Variants in VAV3 observed in about 807,000 individuals in gnomAD.
VAV3 encodes vav guanine nucleotide exchange factor 3.
VAV3 carries 94 observed loss-of-function variants against 131.2 expected under a neutral mutation model. The ratio of observed to expected loss-of-function variants is 0.72; its 90% CI spans 0.61 to 0.85. The LOEUF (loss-of-function observed/expected upper bound fraction) is 0.85. VAV3 is among the 40% of genes least tolerant of loss of function. VAV3 has a pLI of 0.00. For synonymous variants in VAV3, 349 were observed against 342.0 expected, an observed-to-expected ratio of 1.02 and a Z score of -0.22; for missense variants, 939 against 1,002.7, an observed-to-expected ratio of 0.94 and a Z score of 0.86.
intron 4 of VAV3, among the ~76,000 whole-genome samples, chr1:107,776,664 T>C (rs1203822527): frequency 2.0e-5 from 3 of 152,202 alleles, no homozygotes; most frequent in Non-Finnish European, 4.4e-5. Context: ...ACATGCCTGA[T>C]CCATGTCATC....
chr1:107,690,307 C>A (rs1659336514), intron 17 of VAV3, among the ~76,000 whole-genome samples: 1 of 152,000 alleles, frequency 6.6e-6, no homozygotes, highest in African/African-American at 2.4e-5. Flanking sequence ...TCTGGGTGAC[C>A]CCCAGGAAGA....
intron 21 of VAV3, among the ~76,000 whole-genome samples, chr1:107,612,989 A>G (rs1652868716): frequency 6.6e-6 from 1 of 152,136 alleles, no homozygotes; most frequent in Non-Finnish European, 1.5e-5. Context: ...TCTCCTGGGC[A>G]GTGCCTTCAG....
At chr1:107,653,623 A>C (rs1570691326) in intron 19 of VAV3, among the ~76,000 whole-genome samples, 1 of 152,082 alleles carries the variant, frequency 6.6e-6, no homozygotes, top group Admixed American at 6.6e-5. Flanking sequence ...GTCAGATAGA[A>C]CCATTTAGTT....
intron 2 of VAV3, among the ~76,000 whole-genome samples, chr1:107,836,325 T>C (rs1285999135): frequency 6.6e-6 from 1 of 152,186 alleles, no homozygotes; most frequent in Non-Finnish European, 1.5e-5. Context: ...TCCTGAATGA[T>C]TTTAAGGTAA....
chr1:107,695,309 G>T (rs2504462), intron 17 of VAV3, among the ~76,000 whole-genome samples: 1 of 152,144 alleles, frequency 6.6e-6, no homozygotes, highest in African/African-American at 2.4e-5. Flanking sequence ...TATAAATTAT[G>T]TAAGAATAAG....
At chr1:107,836,894 C>T (rs1668503283) in intron 2 of VAV3, among the ~76,000 whole-genome samples, 1 of 151,938 alleles carries the variant, frequency 6.6e-6, no homozygotes, top group African/African-American at 2.4e-5. Context: ...ATCAGTAACA[C>T]ATTCTGAAAT....
chr1:107,832,550 T>C (rs988504470), intron 2 of VAV3, among the ~76,000 whole-genome samples: 1 of 152,222 alleles, frequency 6.6e-6, no homozygotes, highest in African/African-American at 2.4e-5. Flanking sequence ...TATCTGAGTC[T>C]TTTATAAAAT....
intron 25 of VAV3, among the ~76,000 whole-genome samples, chr1:107,583,386 A>G (rs1045593044): frequency 2.0e-5 from 3 of 152,150 alleles, no homozygotes; most frequent in African/African-American, 7.2e-5. Flanking sequence ...CCTATTCAAC[A>G]TAGTGTTGGA....
chr1:107,628,223 C>T (rs971026159), intron 20 of VAV3, among the ~76,000 whole-genome samples: 8 of 152,138 alleles, frequency 5.3e-5, no homozygotes, highest in African/African-American at 9.7e-5. Flanking sequence ...AAAGATCCCC[C>T]TAATCAGCCC....
chr1:107,765,033 G>A, intron 9 of VAV3, 43 bp downstream of exon 9: 2 of 1,373,042 alleles, frequency 1.5e-6, no homozygotes, highest in African/African-American at 1.4e-5. Context: ...ATTGCTTTTA[G>A]GTTTATTTTG....
At chr1:107,652,828 T>C (rs924606339) in intron 19 of VAV3, among the ~76,000 whole-genome samples, 1 of 152,054 alleles carries the variant, frequency 6.6e-6, no homozygotes, top group Non-Finnish European at 1.5e-5. Flanking sequence ...GTAACTGACA[T>C]TTTCCAAAAA....
intron 18 of VAV3, among the ~76,000 whole-genome samples, chr1:107,687,859 C>T (rs1659142980): frequency 6.6e-6 from 1 of 151,862 alleles, no homozygotes; most frequent in African/African-American, 2.4e-5. Context: ...ACTTCTAAGC[C>T]ATTAGGAGAC....
At chr1:107,634,417 A>G (rs1355083189) in intron 20 of VAV3, among the ~76,000 whole-genome samples, 1 of 152,170 alleles carries the variant, frequency 6.6e-6, no homozygotes, top group African/African-American at 2.4e-5. Context: ...CTGGCTAGCC[A>G]TATGTAGAAA....
intron 15 of VAV3, among the ~76,000 whole-genome samples, chr1:107,740,178 T>G (rs1023045112): frequency 6.6e-6 from 1 of 151,930 alleles, no homozygotes; most frequent in Non-Finnish European, 1.5e-5. Flanking sequence ...TCACAGCTAC[T>G]CAGGAGGCTG....
chr1:107,855,867 C>T (rs985460219), intron 2 of VAV3, among the ~76,000 whole-genome samples: 1 of 152,168 alleles, frequency 6.6e-6, no homozygotes, highest in Non-Finnish European at 1.5e-5. Context: ...CCTGCTGAGT[C>T]CAGAGAAAGG....
rs1248261610 is a variant in VAV3 at position 107,602,489 on chromosome 1, G to A, written c.2133-5C>T. ...TGCTTTGCTTCATTATTGTACCTGT[G>A]GGCAATGAATAACTTATGAATATAA... is the stretch of plus-strand genomic sequence containing the variant. On this transcript the variant is annotated splice_region_variant and splice_polypyrimidine_tract_variant and intron_variant, in intron 23 of 26. Transcript: ENST00000370056. 1 of 1,559,398 alleles carries A rather than the reference G, an allele frequency of 6.4e-7. No homozygotes were observed. The highest frequency in any genetic ancestry group is 8.6e-7 in the Non-Finnish European group (1 of 1,161,442).
chr1:107,728,153 T>C (rs1661967497), intron 15 of VAV3, among the ~76,000 whole-genome samples: 1 of 152,034 alleles, frequency 6.6e-6, no homozygotes. Context: ...GTTGGTTGAG[T>C]CTTCCTCCTC....
intron 17 of VAV3, among the ~76,000 whole-genome samples, chr1:107,704,113 G>A (rs1660301392): frequency 6.6e-6 from 1 of 152,108 alleles, no homozygotes; most frequent in Admixed American, 6.5e-5. Flanking sequence ...TCTGTGTGAT[G>A]TTTACTTCTG....
At chr1:107,869,018 C>G (rs933411581) in intron 2 of VAV3, among the ~76,000 whole-genome samples, 1 of 152,056 alleles carries the variant, frequency 6.6e-6, no homozygotes, top group African/African-American at 2.4e-5. Context: ...CATGTGGTAC[C>G]CAGATGGTTA....
Sources: gnomAD v4.1 joint callset for allele counts (sites outside exome capture counted in the v4.1 genomes callset) on GRCh38, gnomAD v4.1.1 for gene constraint, MANE v1.5 for transcripts, NCBI Gene and HGNC (gene_info 2026-07-23, HGNC 2026-07-21) for gene names.